EXOC2: variants seen among roughly 807,000 people sequenced by gnomAD.
EXOC2 encodes exocyst complex component 2.
In EXOC2, 70 loss-of-function variants were observed where a neutral mutation model predicts 131.8. The ratio of observed to expected loss-of-function variants is 0.53; its 90% CI spans 0.44 to 0.65. EXOC2 has a LOEUF of 0.65. Ranked by LOEUF, EXOC2 falls within the 30% of genes least tolerant of loss-of-function variation. EXOC2 has a pLI of 0.00. For synonymous variants in EXOC2, 411 were observed against 398.4 expected (o/e 1.03, Z -0.38); for missense variants, 923 against 1,108.6 (o/e 0.83, Z 2.38).
chr6:588,061 G>A (rs1759317069), intron 11 of EXOC2, among the ~76,000 whole-genome samples: 2 of 152,100 alleles, frequency 1.3e-5, no homozygotes, highest in South Asian at 4.1e-4. Flanking sequence ...AGTACATGGG[G>A]TATTGTTACA....
intron 19 of EXOC2, 48 bp from the exon 20 acceptor site, chr6:555,336 G>T: frequency 8.3e-7 from 1 of 1,203,348 alleles, no homozygotes; most frequent in Non-Finnish European, 1.2e-6. Context: ...TGAACTCCTA[G>T]ACATTAATCT....
At chr6:656,600 C>G in intron 1 of EXOC2, 1 of 1,596,024 alleles carries the variant, frequency 6.3e-7, no homozygotes, top group Non-Finnish European at 8.5e-7. Context: ...CCAGCTCCAC[C>G]GCCACCGTGA....
At chr6:510,446 A>C (rs1344291742) in intron 23 of EXOC2, among the ~76,000 whole-genome samples, 1 of 151,752 alleles carries the variant, frequency 6.6e-6, no homozygotes, top group Non-Finnish European at 1.5e-5. Flanking sequence ...CAATAGGAAA[A>C]CTCTTTCCTC....
Position 598,844 on chromosome 6 carries a change from A to T in EXOC2, c.970+16T>A. On this transcript the variant is annotated intron_variant, in intron 9 of 27. Coordinates refer to ENST00000230449, the MANE Select transcript of EXOC2 (RefSeq NM_018303.6). ...AAAGGAAAGGAGAAGATCTAAAAGT[A>T]ATACATGAATCTTACATTTCTTGAA... 6.3e-7 allele frequency: 1 copy of T among 1,589,920 alleles called. No homozygotes were observed. Among genetic ancestry groups the T allele is most frequent in the Non-Finnish European group, 8.6e-7 (1 of 1,165,226 alleles).
At chr6:635,933 T>G (rs1244452943) in intron 2 of EXOC2, among the ~76,000 whole-genome samples, 1 of 152,166 alleles carries the variant, frequency 6.6e-6, no homozygotes, top group Non-Finnish European at 1.5e-5. Flanking sequence ...TGGCGGCACA[T>G]GCGCCTGTAG....
chr6:552,235 G>T (rs1017235189), intron 21 of EXOC2, among the ~76,000 whole-genome samples: 3 of 152,212 alleles, frequency 2.0e-5, no homozygotes, highest in Non-Finnish European at 4.4e-5. Context: ...CCTCACTGCC[G>T]ACATACCTAG....
At chr6:582,483 C>A (rs1281312219) in intron 11 of EXOC2, among the ~76,000 whole-genome samples, 1 of 152,106 alleles carries the variant, frequency 6.6e-6, no homozygotes. Flanking sequence ...TTTTCCTGCG[C>A]ACAGCGGGCC....
chr6:562,739 T>G (rs747607253), intron 17 of EXOC2, 45 bp downstream of exon 17: 1 of 1,340,034 alleles, frequency 7.5e-7, no homozygotes, highest in East Asian at 2.4e-5. Context: ...CTATTTATTT[T>G]AAATACACAC....
At chr6:624,416 G>T (rs937089193) in intron 4 of EXOC2, among the ~76,000 whole-genome samples, 1 of 152,166 alleles carries the variant, frequency 6.6e-6, no homozygotes, top group Non-Finnish European at 1.5e-5. Flanking sequence ...TAATGCTTGT[G>T]GAAGCCTAGC....
At chr6:580,703 C>T (rs1758842890) in intron 11 of EXOC2, among the ~76,000 whole-genome samples, 1 of 152,036 alleles carries the variant, frequency 6.6e-6, no homozygotes, top group African/African-American at 2.4e-5. Context: ...GAGGCACTAA[C>T]CTATCCTGTA....
intron 1 of EXOC2, among the ~76,000 whole-genome samples, chr6:657,764 C>CAAAAA (rs11319548): frequency 7.4e-6 from 1 of 135,386 alleles, no homozygotes; most frequent in African/African-American, 2.7e-5. Context: ...CTCTGGCAGG[C>CAAAAA]AAAAAAAAAA....
intron 25 of EXOC2, among the ~76,000 whole-genome samples, chr6:492,794 T>G (rs1323248697): frequency 6.6e-6 from 1 of 152,204 alleles, no homozygotes; most frequent in Non-Finnish European, 1.5e-5. Context: ...GGGTTTCTTT[T>G]GGGATGAAAT....
intron 22 of EXOC2, among the ~76,000 whole-genome samples, chr6:537,450 A>G (rs941141215): frequency 6.6e-6 from 1 of 151,640 alleles, no homozygotes; most frequent in African/African-American, 2.4e-5. Flanking sequence ...CGGAGCGTAC[A>G]CTCGAGTTGA....
intron 23 of EXOC2, among the ~76,000 whole-genome samples, chr6:507,562 G>A (rs1416702324): frequency 1.3e-5 from 2 of 152,158 alleles, no homozygotes; most frequent in African/African-American, 4.8e-5. Flanking sequence ...GAAAGAGAGG[G>A]CTTTTGCTTG....
At chr6:614,267 T>C (rs1053138427) in intron 6 of EXOC2, among the ~76,000 whole-genome samples, 9 of 152,162 alleles carry the variant, frequency 5.9e-5, no homozygotes, top group Non-Finnish European at 1.0e-4. Context: ...GGAATGAAGA[T>C]TGAAGTCGGC....
intron 23 of EXOC2, among the ~76,000 whole-genome samples, chr6:502,941 C>G (rs1040889306): frequency 3.3e-5 from 5 of 152,166 alleles, no homozygotes; most frequent in Admixed American, 2.0e-4. Context: ...TACCGCTAGT[C>G]AAACCACACA....
At chr6:560,095 C>T (rs1420408169) in intron 17 of EXOC2, among the ~76,000 whole-genome samples, 1 of 152,158 alleles carries the variant, frequency 6.6e-6, no homozygotes, top group Non-Finnish European at 1.5e-5. Flanking sequence ...ACACAGTAAA[C>T]TTCATGTATT....
At chr6:645,133 A>G (rs2127727856) in intron 1 of EXOC2, among the ~76,000 whole-genome samples, 1 of 152,288 alleles carries the variant, frequency 6.6e-6, no homozygotes, top group East Asian at 1.9e-4. Context: ...GAAATAGACT[A>G]GAATCCAGAA....
Position 598,848 on chromosome 6 carries a change from C to T in EXOC2, c.970+12G>A, listed in dbSNP as rs1420754066. ...GAAAGGAGAAGATCTAAAAGTAATA[C>T]ATGAATCTTACATTTCTTGAAAACT... On this transcript the variant is annotated intron_variant, in intron 9 of 27. Coordinates refer to ENST00000230449, the MANE Select transcript of EXOC2 (RefSeq NM_018303.6). The T allele has an allele frequency of 1.3e-6, 2 of 1,597,008 alleles. No individual in the cohort carries two copies. Among genetic ancestry groups the T allele is most frequent in the Non-Finnish European group, 1.7e-6 (2 of 1,170,100 alleles).
Sources: gnomAD v4.1 joint callset for allele counts (sites outside exome capture counted in the v4.1 genomes callset) on GRCh38, gnomAD v4.1.1 for gene constraint, MANE v1.5 for transcripts, NCBI Gene and HGNC (gene_info 2026-07-23, HGNC 2026-07-21) for gene names.